Variants in FRMD5 observed in about 807,000 individuals in gnomAD.
FRMD5 encodes the protein FERM domain containing 5.
In FRMD5, 20 loss-of-function variants were observed where a neutral mutation model predicts 69.0. The ratio of observed to expected loss-of-function variants is 0.29; its 90% CI spans 0.20 to 0.42. The LOEUF (loss-of-function observed/expected upper bound fraction) is 0.42. Among genes scored for constraint, FRMD5 ranks in the 10% least tolerant of loss-of-function variants. The pLI, the probability that FRMD5 is intolerant of heterozygous loss-of-function variation, is 1.00. For missense variants in FRMD5, 595 were observed against 708.6 expected, an observed-to-expected ratio of 0.84 and a Z score of 1.82; for synonymous variants, 271 against 260.1, an observed-to-expected ratio of 1.04 and a Z score of -0.40.
chr15:44,133,029 G>A (rs1045401344), intron 1 of FRMD5, among the ~76,000 whole-genome samples: 4 of 151,848 alleles, frequency 2.6e-5, no homozygotes, highest in Non-Finnish European at 5.9e-5. Flanking sequence ...CCAAAGTGCT[G>A]GGATTACAGG....
At chr15:44,124,054 T>C (rs2140678841) in intron 1 of FRMD5, among the ~76,000 whole-genome samples, 1 of 152,238 alleles carries the variant, frequency 6.6e-6, no homozygotes, top group East Asian at 1.9e-4. Context: ...TGCAGTGGCA[T>C]GACCTTGGCT....
intron 1 of FRMD5, among the ~76,000 whole-genome samples, chr15:43,980,548 A>G (rs1041466091): frequency 3.9e-5 from 6 of 152,146 alleles, no homozygotes; most frequent in Non-Finnish European, 8.8e-5. Context: ...TTCTCTTTCA[A>G]TACTCCCTGG....
In FRMD5 at chr15:43,875,815, T is replaced by TTTTTTTG. The variant is rs1567202571; in HGVS notation, c.1136-1354_1136-1353insCAAAAAA. On this transcript the variant is annotated intron_variant, in intron 13 of 13. Coordinates refer to ENST00000417257, the MANE Select transcript of FRMD5 (RefSeq NM_032892.5). ...GTGTCCTGGGCCTAGTTTTTTTTTT[T>TTTTTTTG]TTTTTTTTTTTTCTTTCAGTCTTTC... is the stretch of plus-strand genomic sequence containing the variant. 3.9e-3 allele frequency: 1,445 copies of TTTTTTTG among 374,368 alleles called. 34 individuals carry two copies. Among genetic ancestry groups the TTTTTTTG allele is most frequent in the African/African-American group, 0.029 (1,304 of 45,488 alleles). The allele number at this position is 374,368 out of a possible 1,614,324, so 23.2% of individuals were successfully genotyped here. A position where few individuals can be genotyped will look rare whatever the true frequency, so the allele number is the denominator to read the frequency against.
intron 1 of FRMD5, among the ~76,000 whole-genome samples, chr15:44,082,914 T>TTA (rs1189370160): frequency 1.3e-5 from 2 of 151,970 alleles, no homozygotes; most frequent in African/African-American, 4.8e-5. Flanking sequence ...AGTTTGCCAA[T>TTA]TAAGTCAGTG....
chr15:44,117,963 A>T (rs923201684), intron 1 of FRMD5, among the ~76,000 whole-genome samples: 1 of 150,138 alleles, frequency 6.7e-6, no homozygotes, highest in Non-Finnish European at 1.5e-5. Context: ...CTAGTCAGTT[A>T]ATCTGGATTC....
At chr15:43,973,180 G>A (rs1284395560) in intron 1 of FRMD5, among the ~76,000 whole-genome samples, 5 of 151,388 alleles carry the variant, frequency 3.3e-5, no homozygotes, top group Admixed American at 6.6e-5. Context: ...CCGCCACCAC[G>A]CCTGGCTAAT....
In FRMD5 at chr15:43,881,049, A is replaced by G. The variant is rs773504447; in HGVS notation, c.1135+2654T>C. ...CTCTCAGTGAGTTTTGTCTCTACAC[A>G]GAGAGCCTCAGCCCTCCCTCTTTTG... On this transcript the variant is annotated intron_variant, in intron 13 of 13. Transcript: ENST00000417257. Among the ~76,000 whole-genome samples the G allele has an allele frequency of 5.1e-4, 77 of 152,328 alleles. 1 individual carries two copies. Among genetic ancestry groups the G allele is most frequent in the Admixed American group, 1.9e-3 (29 of 15,304 alleles).
At chr15:44,053,458 T>C (rs922292525) in intron 1 of FRMD5, among the ~76,000 whole-genome samples, 1 of 152,118 alleles carries the variant, frequency 6.6e-6, no homozygotes, top group African/African-American at 2.4e-5. Flanking sequence ...CAAATACTAG[T>C]ATTTTTACTG....
intron 1 of FRMD5, among the ~76,000 whole-genome samples, chr15:44,107,061 C>G (rs2076730152): frequency 6.6e-6 from 1 of 152,188 alleles, no homozygotes; most frequent in Non-Finnish European, 1.5e-5. Context: ...TCCAAGGACT[C>G]TCTGAAAGGG....
At chr15:44,156,884 T>C (rs967923775) in intron 1 of FRMD5, among the ~76,000 whole-genome samples, 5 of 152,060 alleles carry the variant, frequency 3.3e-5, no homozygotes, top group Non-Finnish European at 7.4e-5. Flanking sequence ...CTGAGCAACA[T>C]AGAGAGATTT....
chr15:44,089,004 C>G (rs1012818986), intron 1 of FRMD5, among the ~76,000 whole-genome samples: 2 of 152,152 alleles, frequency 1.3e-5, no homozygotes, highest in African/African-American at 2.4e-5. Context: ...TAAATGGATT[C>G]TTAATATTGC....
At chr15:44,134,616 AT>A (rs2077155071) in intron 1 of FRMD5, among the ~76,000 whole-genome samples, 1 of 151,908 alleles carries the variant, frequency 6.6e-6, no homozygotes, top group South Asian at 2.1e-4. Flanking sequence ...CGTCTGGCTA[AT>A]TTCTGTATTT....
intron 1 of FRMD5, among the ~76,000 whole-genome samples, chr15:44,186,481 A>G (rs578203991): frequency 6.6e-6 from 1 of 152,306 alleles, no homozygotes; most frequent in Admixed American, 6.5e-5. Context: ...GCCTGGATGG[A>G]GTACCAGACT....
intron 1 of FRMD5, among the ~76,000 whole-genome samples, chr15:44,114,716 A>G (rs1034795553): frequency 6.6e-6 from 1 of 152,236 alleles, no homozygotes; most frequent in Non-Finnish European, 1.5e-5. Flanking sequence ...AAGAAATCTG[A>G]TAATTGTAGT....
In FRMD5 at chr15:43,873,910, A is replaced by G. The variant is rs1401296295; in HGVS notation, c.1688T>C (p.Val563Ala). ...RRWFACKIRS[V>A]VSLLIDT Reference sequence around the variant, plus strand: ...TCAGGTGTCAATGAGCAGGCTCACCACTGAGCGGATTTTGCAGGCAAACCA... The same window carrying G: ...TCAGGTGTCAATGAGCAGGCTCACCGCTGAGCGGATTTTGCAGGCAAACCA... Residue 563 changes from valine (V) to alanine (A), a missense_variant, in exon 14 of 14, where the codon GTG becomes GCG. Physicochemically the swap from Val to Ala is moderately conservative, Grantham distance 64 (BLOSUM62 0). Around this residue, in one of 5 missense-constraint regions of FRMD5, gnomAD observed 245 missense variants for 227.1 expected, o/e 1.08. Coordinates refer to ENST00000417257, the MANE Select transcript of FRMD5 (RefSeq NM_032892.5). The G allele has an allele frequency of 3.1e-6, 5 of 1,614,094 alleles. No homozygotes were observed. The Admixed American group carries it at 6.7e-5, about 22-fold the overall frequency.
chr15:44,120,827 C>T (rs919799243), intron 1 of FRMD5, among the ~76,000 whole-genome samples: 1 of 151,820 alleles, frequency 6.6e-6, no homozygotes, highest in African/African-American at 2.4e-5. Context: ...CGTGCCCAGC[C>T]GGGAAGAGTG....
intron 1 of FRMD5, among the ~76,000 whole-genome samples, chr15:44,060,213 C>T (rs1893035431): frequency 6.6e-6 from 1 of 152,134 alleles, no homozygotes; most frequent in Non-Finnish European, 1.5e-5. Flanking sequence ...ATTCTACAGC[C>T]TAATCCAACA....
At chr15:43,966,227 C>T (rs548129164) in intron 1 of FRMD5, among the ~76,000 whole-genome samples, 11 of 151,884 alleles carry the variant, frequency 7.2e-5, no homozygotes, top group African/African-American at 2.2e-4. Context: ...AAAAGTTAGC[C>T]GGGGCGTGGT....
intron 6 of FRMD5, 85 bp from the exon 7 acceptor site, chr15:43,902,347 G>C: frequency 8.9e-7 from 1 of 1,126,222 alleles, no homozygotes; most frequent in South Asian, 1.3e-5. Context: ...GATGTGCTTA[G>C]GATGAGCCAC....
Sources: allele counts gnomAD v4.1 joint callset (sites outside exome capture counted in the v4.1 genomes callset), GRCh38; gene constraint gnomAD v4.1.1; regional missense constraint gnomAD v4.1.1; transcripts MANE v1.5; gene names NCBI Gene and HGNC (gene_info 2026-07-23, HGNC 2026-07-21).